The following SGSM1 variants were observed in gnomAD, a reference collection of about 807,000 sequenced individuals.
SGSM1 encodes RUN and TBC1 domain containing 2.
SGSM1 carries 73 observed loss-of-function variants against 133.8 expected under a neutral mutation model. The ratio of observed to expected loss-of-function variants is 0.55; its 90% CI spans 0.45 to 0.66. The LOEUF (loss-of-function observed/expected upper bound fraction) is 0.66, where lower values mean the gene tolerates loss of function less well. Among genes scored for constraint, SGSM1 ranks in the 30% least tolerant of loss-of-function variants. The pLI, the probability that SGSM1 is intolerant of heterozygous loss-of-function variation, is 0.00. For synonymous variants in SGSM1, 563 were observed against 573.0 expected, an observed-to-expected ratio of 0.98 and a Z score of 0.25; for missense variants, 1,213 against 1,448.1, an observed-to-expected ratio of 0.84 and a Z score of 2.64.
chr22:24,837,000 T>C (rs1929466035), intron 2 of SGSM1, among the ~76,000 whole-genome samples: 1 of 152,208 alleles, frequency 6.6e-6, no homozygotes, highest in Non-Finnish European at 1.5e-5. Context: ...TCAAATCCAA[T>C]GTTGTAGGGA....
At chr22:24,836,318 G>A (rs1355049637) in intron 2 of SGSM1, among the ~76,000 whole-genome samples, 1 of 152,196 alleles carries the variant, frequency 6.6e-6, no homozygotes, top group Non-Finnish European at 1.5e-5. Context: ...ATTCCATTGT[G>A]TGTGTAGACC....
intron 2 of SGSM1, among the ~76,000 whole-genome samples, chr22:24,832,600 T>C (rs1165782825): frequency 1.3e-5 from 2 of 152,186 alleles, no homozygotes; most frequent in East Asian, 3.9e-4. Context: ...AGATGCCATC[T>C]GTTAGCTGAG....
At chr22:24,812,094 C>T (rs146019355) in intron 2 of SGSM1, among the ~76,000 whole-genome samples, 2,991 of 150,024 alleles carry the variant, frequency 0.02, 104 homozygotes, top group African/African-American at 0.07. Context: ...CGCTTGAACC[C>T]GGGAGGTGGA....
rs771828352 is a variant in SGSM1 at position 24,806,293 on chromosome 22, C to G, written c.-33C>G. ...GCTACCGCCGCCACCGCCGCCACCG[C>G]CTCCTGGGACTCGGAACGCAGCGCT... On this transcript the variant is annotated 5_prime_UTR_variant, in exon 1 of 25. Coordinates refer to ENST00000400358, the MANE Select transcript of SGSM1 (RefSeq NM_001098497.3). 7.0e-7 allele frequency: 1 copy of G among 1,425,820 alleles called. No homozygotes were observed. Among genetic ancestry groups the G allele is most frequent in the South Asian group, 1.5e-5 (1 of 67,186 alleles). The allele number at this position is 1,425,820 out of a possible 1,614,324, so 88.3% of individuals were successfully genotyped here.
chr22:24,901,944 A>G lies in SGSM1; in HGVS notation c.2722A>G (p.Asn908Asp), dbSNP rs1229824818. Residue 908 changes from asparagine to aspartate, a missense_variant, in exon 20 of 25, where the codon AAC becomes GAC. Transcript: ENST00000400358. ...FTPANLEKLR[N>D]IMCSYIWQHI... ...GCCCGCCAACTTGGAGAAGCTGCGT[A>G]ACATCATGTGCAGGTGGCTGGGGAC... 19 of 1,583,636 alleles carry G rather than the reference A, an allele frequency of 1.2e-5. No homozygotes were observed. Among genetic ancestry groups the G allele is most frequent in the Non-Finnish European group, 1.5e-5 (17 of 1,165,248 alleles).
chr22:24,872,961 A>G (rs1295397696), intron 12 of SGSM1, among the ~76,000 whole-genome samples: 1 of 150,782 alleles, frequency 6.6e-6, no homozygotes, highest in African/African-American at 2.4e-5. Context: ...ATGTGGCTCA[A>G]TTGTAATTTT....
At chr22:24,860,883 G>C in intron 9 of SGSM1, among the ~76,000 whole-genome samples, 1 of 111,522 alleles carries the variant, frequency 9.0e-6, no homozygotes, top group African/African-American at 3.6e-5. Flanking sequence ...CTGGGTGACA[G>C]AGCGAGACTG....
chr22:24,834,381 G>C (rs1929304582), intron 2 of SGSM1, among the ~76,000 whole-genome samples: 1 of 152,282 alleles, frequency 6.6e-6, no homozygotes, highest in South Asian at 2.1e-4. Flanking sequence ...CCTTCCACTG[G>C]TTTTTGTGAA....
chr22:24,902,586 G>A (rs896136366), intron 20 of SGSM1, among the ~76,000 whole-genome samples: 10 of 152,116 alleles, frequency 6.6e-5, no homozygotes, highest in Non-Finnish European at 2.9e-5. Context: ...CTTGGGAGGT[G>A]GAGGCAGGAG....
rs1011285715 is a variant in SGSM1, at chr22:24,814,230, A to G, written c.63+7746A>G. On this transcript the variant is annotated intron_variant, in intron 2 of 24. Coordinates refer to ENST00000400358, the MANE Select transcript of SGSM1 (RefSeq NM_001098497.3). ...GCCTTCAGTTCACTCAAGGAAAACC[A>G]GGGCTTAACTAATGTCATTCTAATG... 7 of 152,278 alleles carry G rather than the reference A, an allele frequency of 4.6e-5. No homozygotes were observed. The East Asian group carries it at 1.4e-3, about 29-fold the overall frequency. 9.4% of individuals were successfully genotyped at this position (152,278 alleles called of 1,614,324 possible).
intron 14 of SGSM1, 103 bp downstream of exon 14, chr22:24,879,629 C>T: frequency 1.8e-6 from 2 of 1,103,760 alleles, no homozygotes; most frequent in Non-Finnish European, 2.6e-6. Flanking sequence ...GTTTGAACCT[C>T]TCCTCCTCTA....
chr22:24,823,646 G>C (rs1478703010), intron 2 of SGSM1, among the ~76,000 whole-genome samples: 4 of 150,902 alleles, frequency 2.7e-5, no homozygotes, highest in African/African-American at 9.8e-5. Flanking sequence ...AAAAAATATT[G>C]TCTTGGCTGG....
chr22:24,846,132 G>T (rs1930137214), intron 3 of SGSM1, among the ~76,000 whole-genome samples: 1 of 148,062 alleles, frequency 6.8e-6, no homozygotes, highest in Non-Finnish European at 1.5e-5. Flanking sequence ...TCAACCTCCT[G>T]GGCTCAAGCG....
chr22:24,854,901 G>T, intron 5 of SGSM1, 95 bp from the exon 6 acceptor site: 1 of 927,510 alleles, frequency 1.1e-6, no homozygotes, highest in African/African-American at 1.6e-5. Flanking sequence ...GCTCTGGGTG[G>T]TAACCGAGTG....
intron 12 of SGSM1, chr22:24,874,343 T>C: frequency 2.7e-6 from 4 of 1,490,422 alleles, no homozygotes; most frequent in Non-Finnish European, 3.6e-6. Context: ...AAACTGGCTC[T>C]TCCAGCTGTC....
At chr22:24,900,385 T>TTCTTTCTTTCTTTCTG (rs1933102748) in intron 19 of SGSM1, among the ~76,000 whole-genome samples, 5 of 71,318 alleles carry the variant, frequency 7.0e-5, no homozygotes, top group African/African-American at 2.1e-4. Context: ...CTTTCTTTCT[T>TTCTTTCTTTCTTTCTG]TCTTTCTTTC....
intron 2 of SGSM1, among the ~76,000 whole-genome samples, chr22:24,835,871 A>G (rs1267542571): frequency 1.3e-5 from 2 of 152,134 alleles, no homozygotes; most frequent in Non-Finnish European, 2.9e-5. Flanking sequence ...TGGGCAGAGG[A>G]GGGACGTGGT....
chr22:24,844,459 G>C (rs1442135755), intron 2 of SGSM1: 1 of 154,366 alleles, frequency 6.5e-6, no homozygotes, highest in Non-Finnish European at 1.4e-5. Context: ...CCGGGAGGCG[G>C]AGGTTGCGAT....
In SGSM1 at chr22:24,898,462, C is replaced by G; in HGVS notation, c.2513C>G (p.Pro838Arg). 1 of 1,613,920 alleles carries G rather than the reference C, an allele frequency of 6.2e-7. No individual in the cohort carries two copies. The highest frequency in any genetic ancestry group is 8.5e-7 in the Non-Finnish European group (1 of 1,179,890). The change falls in exon 19 of 25, where the codon CCT (proline) becomes CGT (arginine). Residue 838 changes from proline (P) to arginine (R), a missense_variant. Pro to Arg is a moderately radical substitution (Grantham distance 103). Transcript: ENST00000400358. Reference sequence around the variant, plus strand: ...AGTGAGGACAACCTCTCGGAGGAGCCTGAGATGGAAAGTCTCTTCCCTGCC... The same window carrying G: ...AGTGAGGACAACCTCTCGGAGGAGCGTGAGATGGAAAGTCTCTTCCCTGCC... ...ADSEDNLSEE[P>R]EMESLFPALA... is the part of the protein sequence containing the mutation.
Sources: allele counts gnomAD v4.1 joint callset (sites outside exome capture counted in the v4.1 genomes callset), GRCh38; gene constraint gnomAD v4.1.1; transcripts MANE v1.5; gene names NCBI Gene and HGNC (gene_info 2026-07-23, HGNC 2026-07-21).